The following SSC4D variants were observed in gnomAD, a reference collection of about 807,000 sequenced individuals.
SSC4D encodes the protein scavenger receptor cysteine-rich domain-containing group B protein.
Under a neutral mutation model 63.4 loss-of-function variants are expected in SSC4D, and 57 were observed. The observed-to-expected ratio is 0.90, with a 90% CI of 0.73 to 1.12. The LOEUF (loss-of-function observed/expected upper bound fraction) is 1.12, where lower values mean the gene tolerates loss of function less well. Among genes scored for constraint, SSC4D ranks in the 50% most tolerant of loss-of-function variants. The pLI, the probability that SSC4D is intolerant of heterozygous loss-of-function variation, is 0.00. For synonymous variants in SSC4D, 352 were observed against 345.4 expected, an observed-to-expected ratio of 1.02 and a Z score of -0.21; for missense variants, 791 against 806.4, an observed-to-expected ratio of 0.98 and a Z score of 0.23.
intron 7 of SSC4D, 45 bp from the exon 8 acceptor site, chr7:76,393,949 C>G (rs1804569830): frequency 6.4e-7 from 1 of 1,550,836 alleles, no homozygotes; most frequent in African/African-American, 1.4e-5. Flanking sequence ...GACGAGGAGG[C>G]CTTCTGTCCT....
At chr7:76,395,700 CT>C (rs886375189) in intron 6 of SSC4D, among the ~76,000 whole-genome samples, 1 of 148,926 alleles carries the variant, frequency 6.7e-6, no homozygotes, top group African/African-American at 2.4e-5. Flanking sequence ...CTCCTCTTTT[CT>C]TTTTTTTGAG....
rs78384197 is a variant in SSC4D, at chr7:76,394,167, C to T, written c.947-263G>A. Among the ~76,000 whole-genome samples the T allele has an allele frequency of 3.7e-3, 562 of 152,272 alleles. 7 individuals are homozygous for T. Among genetic ancestry groups the T allele is most frequent in the African/African-American group, 0.012 (517 of 41,540 alleles). ...ATCCTAATTCCAATTGCACTGCTAA[C>T]CTTGACTCAACCTTCATCTCAATCG... On this transcript the variant is annotated intron_variant, in intron 7 of 10. Coordinates refer to ENST00000275560, the MANE Select transcript of SSC4D (RefSeq NM_080744.2).
chr7:76,398,304 T>C (rs563064143), intron 5 of SSC4D, among the ~76,000 whole-genome samples: 1 of 144,282 alleles, frequency 6.9e-6, no homozygotes, highest in South Asian at 2.3e-4. Context: ...GCCCATTCAT[T>C]TTCTATTTTT....
Position 76,393,692 on chromosome 7 carries a change from C to T in SSC4D, c.1046G>A (p.Gly349Asp). The change falls in exon 9 of 11, where the codon GGC (glycine) becomes GAC (aspartate). Residue 349 changes from glycine to aspartate, a missense_variant. Transcript: ENST00000275560. ...KKSGRLRLVGGPGPCRGRVEV... is the reference protein window; with the variant it reads ...KKSGRLRLVGDPGPCRGRVEV... ...CACGCGGCCGCGGCACGGACCCGGGCCGCCCACCAGTCGCAGCCGTCCACC... is the reference window on the plus strand; with the variant it reads ...CACGCGGCCGCGGCACGGACCCGGGTCGCCCACCAGTCGCAGCCGTCCACC... 3.6e-6 allele frequency: 5 copies of T among 1,400,514 alleles called. No individual in the cohort carries two copies. The highest frequency in any genetic ancestry group is 4.6e-6 in the Non-Finnish European group (5 of 1,085,658). 86.8% of individuals were successfully genotyped at this position (1,400,514 alleles called of 1,614,324 possible).
chr7:76,389,756 C>A lies in SSC4D; in HGVS notation c.*303G>T. 2.6e-6 allele frequency: 1 copy of A among 383,898 alleles called. No homozygotes were observed. The highest frequency in any genetic ancestry group is 4.8e-6 in the Non-Finnish European group (1 of 209,850). 23.8% of individuals were successfully genotyped at this position (383,898 alleles called of 1,614,324 possible). A position where few individuals can be genotyped will look rare whatever the true frequency, so the allele number is the denominator to read the frequency against. ...AGAGTCTGGTGCTATAAAAAGAGCC[C>A]CACCAAACAGAAGAGTTAGGAATCA... On this transcript the variant is annotated 3_prime_UTR_variant, in exon 11 of 11. Coordinates refer to ENST00000275560, the MANE Select transcript of SSC4D (RefSeq NM_080744.2).
chr7:76,400,391 T>C lies in SSC4D; in HGVS notation c.370A>G (p.Asn124Asp). 1.3e-6 allele frequency: 2 copies of C among 1,597,396 alleles called. No individual in the cohort carries two copies. Among genetic ancestry groups the C allele is most frequent in the Non-Finnish European group, 1.7e-6 (2 of 1,168,988 alleles). ...GCTTCCTGCCCGCGGCACTCCACGT[T>C]GTCCAGCAGGATGGGGCCTCGGCCT... ...GQGRGPILLD[N>D]VECRGQEAAL... Residue 124 changes from asparagine (N) to aspartate (D), a missense_variant, in exon 4 of 11, where the codon AAC becomes GAC. Transcript: ENST00000275560.
At chr7:76,395,185 TTC>T in intron 7 of SSC4D, 66 bp downstream of exon 7, 1 of 1,575,506 alleles carries the variant, frequency 6.3e-7, no homozygotes, top group South Asian at 1.1e-5. Context: ...ATCCAGAACA[TTC>T]TTCCCAGTTC....
chr7:76,409,161 C>T (rs969565826), intron 1 of SSC4D, among the ~76,000 whole-genome samples: 3 of 152,020 alleles, frequency 2.0e-5, no homozygotes. Flanking sequence ...GCCCTTGGCA[C>T]AGGGTGGATA....
chr7:76,402,472 G>A (rs373170421), intron 2 of SSC4D, among the ~76,000 whole-genome samples: 35 of 151,156 alleles, frequency 2.3e-4, no homozygotes, highest in African/African-American at 7.5e-4. Flanking sequence ...ATGAGCCACC[G>A]CTCCTGGCCT....
chr7:76,403,041 G>A (rs141885437), intron 2 of SSC4D, among the ~76,000 whole-genome samples: 264 of 152,302 alleles, frequency 1.7e-3, no homozygotes, highest in African/African-American at 5.9e-3. Flanking sequence ...TACAGACAGG[G>A]CAACTTCAGG....
At chr7:76,405,584 A>G (rs1804999943) in intron 1 of SSC4D, among the ~76,000 whole-genome samples, 2 of 151,632 alleles carry the variant, frequency 1.3e-5, no homozygotes, top group Non-Finnish European at 2.9e-5. Flanking sequence ...GGCTGCAGGA[A>G]AAAGAAAAAA....
At chr7:76,407,548 A>G (rs997948582) in intron 1 of SSC4D, among the ~76,000 whole-genome samples, 11 of 152,044 alleles carry the variant, frequency 7.2e-5, no homozygotes, top group African/African-American at 2.4e-4. Flanking sequence ...CCTAGGCAAC[A>G]TAGTGAGACC....
In SSC4D at chr7:76,389,744, A is replaced by C; in HGVS notation, c.*315T>G. 3.0e-6 allele frequency: 1 copy of C among 336,228 alleles called. No individual in the cohort carries two copies. Among genetic ancestry groups the C allele is most frequent in the Non-Finnish European group, 5.5e-6 (1 of 180,760 alleles). 20.8% of individuals were successfully genotyped at this position (336,228 alleles called of 1,614,324 possible). ...GTCAAGGAAGGCAGAGTCTGGTGCT[A>C]TAAAAAGAGCCCCACCAAACAGAAG... is the stretch of plus-strand genomic sequence containing the variant. On this transcript the variant is annotated 3_prime_UTR_variant, in exon 11 of 11. Transcript: ENST00000275560.
intron 10 of SSC4D, among the ~76,000 whole-genome samples, chr7:76,390,840 C>T (rs1804480954): frequency 6.6e-6 from 1 of 151,072 alleles, no homozygotes; most frequent in African/African-American, 2.4e-5. Context: ...AGAAGATTGG[C>T]GCTAGGTGCG....
chr7:76,400,817 G>A (rs1584027230), intron 3 of SSC4D, among the ~76,000 whole-genome samples, 191 bp downstream of exon 3: 2 of 152,234 alleles, frequency 1.3e-5, no homozygotes, highest in Admixed American at 6.5e-5. Flanking sequence ...CAGGTTACCC[G>A]CTTTGCCATG....
chr7:76,408,813 T>G (rs1390805430), intron 1 of SSC4D, among the ~76,000 whole-genome samples: 1 of 152,124 alleles, frequency 6.6e-6, no homozygotes, highest in African/African-American at 2.4e-5. Context: ...TTGAAAGCCC[T>G]CCCATCCCTT....
chr7:76,394,666 G>A (rs1002408197), intron 7 of SSC4D, among the ~76,000 whole-genome samples: 1 of 148,270 alleles, frequency 6.7e-6, no homozygotes, highest in African/African-American at 2.5e-5. Context: ...AACATCAAGT[G>A]ATCCACCTGC....
At chr7:76,391,258 A>G (rs912404716) in intron 10 of SSC4D, among the ~76,000 whole-genome samples, 1 of 151,920 alleles carries the variant, frequency 6.6e-6, no homozygotes, top group Non-Finnish European at 1.5e-5. Flanking sequence ...ACATGGTGAA[A>G]CCCTGTCTCT....
intron 5 of SSC4D, among the ~76,000 whole-genome samples, chr7:76,398,327 T>TC (rs368360252): frequency 4.5e-4 from 62 of 137,062 alleles, no homozygotes; most frequent in Middle Eastern, 3.7e-3. Flanking sequence ...TTTTTTTTTT[T>TC]GAGACAGGGT....
Sources: allele counts gnomAD v4.1 joint callset (sites outside exome capture counted in the v4.1 genomes callset), GRCh38; gene constraint gnomAD v4.1.1; transcripts MANE v1.5; gene names NCBI Gene and HGNC (gene_info 2026-07-23, HGNC 2026-07-21).